FGF14: variants seen among roughly 807,000 people sequenced by gnomAD.
FGF14 encodes the protein fibroblast growth factor homologous factor 4.
Under a neutral mutation model 25.5 loss-of-function variants are expected in FGF14, and 5 were observed. That is an observed-to-expected ratio of 0.20 (90% CI 0.10 to 0.41). The LOEUF (loss-of-function observed/expected upper bound fraction) is 0.41. Among genes scored for constraint, FGF14 ranks in the 10% least tolerant of loss-of-function variants. The probability of loss-of-function intolerance (pLI) is 1.00; values close to 1 mark genes in which losing one functional copy is unlikely to be tolerated. For missense variants in FGF14, 222 were observed against 320.1 expected (o/e 0.69, Z 2.34); for synonymous variants, 138 against 118.3 (o/e 1.17, Z -1.08).
chr13:101,922,678 C>T (rs2034085197), intron 1 of FGF14, among the ~76,000 whole-genome samples: 1 of 151,898 alleles, frequency 6.6e-6, no homozygotes, highest in Admixed American at 6.6e-5. Flanking sequence ...AGTATACAAA[C>T]AAGAAACAGC....
At chr13:101,912,000 C>T (rs2032988227) in intron 1 of FGF14, among the ~76,000 whole-genome samples, 1 of 138,170 alleles carries the variant, frequency 7.2e-6, no homozygotes. Flanking sequence ...CGCACAAAAA[C>T]AGTGTTTTTT....
At chr13:101,887,503 G>A (rs189546280) in intron 1 of FGF14, among the ~76,000 whole-genome samples, 1 of 152,170 alleles carries the variant, frequency 6.6e-6, no homozygotes, top group East Asian at 1.9e-4. Context: ...GGCACAGAAA[G>A]ACAGATATCT....
intron 1 of FGF14, among the ~76,000 whole-genome samples, chr13:102,378,631 C>CTATCTATCTATCTATCTA (rs757841395): frequency 2.8e-5 from 4 of 141,826 alleles, no homozygotes; most frequent in Non-Finnish European, 6.1e-5. Context: ...ATCTATCTAT[C>CTATCTATCTATCTATCTA]TATATATATA....
At chr13:102,369,459 C>CT (rs1292004623) in intron 1 of FGF14, among the ~76,000 whole-genome samples, 2 of 152,230 alleles carry the variant, frequency 1.3e-5, no homozygotes, top group Non-Finnish European at 2.9e-5. Context: ...GCTTTGCCTC[C>CT]TGTGTGCTCC....
At chr13:102,258,638 T>C (rs989936612) in intron 1 of FGF14, among the ~76,000 whole-genome samples, 2 of 152,106 alleles carry the variant, frequency 1.3e-5, no homozygotes, top group East Asian at 3.9e-4. Context: ...CGCTCCACCA[T>C]CCCTGAGCCC....
chr13:101,944,423 A>G (rs747170619), intron 1 of FGF14, among the ~76,000 whole-genome samples: 1 of 152,150 alleles, frequency 6.6e-6, no homozygotes, highest in East Asian at 1.9e-4. Flanking sequence ...TTCCTTCCCA[A>G]ACCAAATCCA....
intron 3 of FGF14, among the ~76,000 whole-genome samples, chr13:101,744,147 A>G (rs2036732933): frequency 6.6e-6 from 1 of 152,144 alleles, no homozygotes; most frequent in Middle Eastern, 3.2e-3. Context: ...CACACTAGGA[A>G]TATAAACTTC....
chr13:101,763,922 A>G (rs1375646532), intron 3 of FGF14, among the ~76,000 whole-genome samples: 2 of 151,878 alleles, frequency 1.3e-5, no homozygotes, highest in African/African-American at 4.8e-5. Context: ...TGAGACTGGC[A>G]TGGTGAAGGA....
chr13:101,929,922 G>A (rs1012378631), intron 1 of FGF14, among the ~76,000 whole-genome samples: 2 of 152,066 alleles, frequency 1.3e-5, no homozygotes, highest in African/African-American at 2.4e-5. Context: ...TTTAATATAG[G>A]TGTTCATTTA....
chr13:101,804,806 A>G (rs774589338), intron 3 of FGF14, among the ~76,000 whole-genome samples: 1 of 152,158 alleles, frequency 6.6e-6, no homozygotes, highest in Non-Finnish European at 1.5e-5. Flanking sequence ...GACAGTTACC[A>G]AGAATTGTTT....
At chr13:101,950,019 T>C (rs1162873697) in intron 1 of FGF14, among the ~76,000 whole-genome samples, 1 of 152,048 alleles carries the variant, frequency 6.6e-6, no homozygotes, top group Admixed American at 6.6e-5. Context: ...TTTTTTTTCA[T>C]TTTCCTCCTT....
At chr13:102,083,136 C>T (rs1595211044) in intron 1 of FGF14, among the ~76,000 whole-genome samples, 1 of 152,174 alleles carries the variant, frequency 6.6e-6, no homozygotes, top group East Asian at 1.9e-4. Context: ...ACAACTAATT[C>T]CTCAGCACAT....
intron 1 of FGF14, among the ~76,000 whole-genome samples, chr13:102,062,063 T>C (rs1166648446): frequency 6.6e-6 from 1 of 152,216 alleles, no homozygotes; most frequent in African/African-American, 2.4e-5. Context: ...GGTAGTTTGT[T>C]ATTTAGCAAT....
intron 1 of FGF14, among the ~76,000 whole-genome samples, chr13:101,976,646 T>C (rs955486376): frequency 1.1e-4 from 16 of 152,314 alleles, no homozygotes; most frequent in Non-Finnish European, 1.5e-5. Context: ...TCTTAAATCT[T>C]AGAATCAGAT....
chr13:102,092,297 C>T (rs571783605), intron 1 of FGF14, among the ~76,000 whole-genome samples: 81 of 152,278 alleles, frequency 5.3e-4, no homozygotes, highest in Admixed American at 9.8e-4. Flanking sequence ...TTGTTCAGGA[C>T]AGTCTTATGC....
intron 1 of FGF14, among the ~76,000 whole-genome samples, chr13:102,222,669 T>G (rs1003529646): frequency 8.5e-5 from 13 of 152,216 alleles, no homozygotes; most frequent in South Asian, 4.1e-4. Context: ...GAGGATACTC[T>G]TTTAAGATAC....
chr13:102,186,086 T>C (rs1301798305), intron 1 of FGF14, among the ~76,000 whole-genome samples: 1 of 152,192 alleles, frequency 6.6e-6, no homozygotes, highest in Non-Finnish European at 1.5e-5. Flanking sequence ...AGCATTAACA[T>C]GATGTGATTT....
At chr13:102,058,996 C>G (rs1343807443) in intron 1 of FGF14, among the ~76,000 whole-genome samples, 1 of 151,056 alleles carries the variant, frequency 6.6e-6, no homozygotes, top group East Asian at 1.9e-4. Flanking sequence ...TATGTGGTCA[C>G]AAGTATATAG....
intron 1 of FGF14, among the ~76,000 whole-genome samples, chr13:102,290,004 C>A (rs2054300295): frequency 6.6e-6 from 1 of 151,936 alleles, no homozygotes; most frequent in African/African-American, 2.4e-5. Flanking sequence ...GTAATTCTTA[C>A]TTTAAAAGGT....
Sources: gnomAD v4.1 joint callset for allele counts (sites outside exome capture counted in the v4.1 genomes callset) on GRCh38, gnomAD v4.1.1 for gene constraint, MANE v1.5 for transcripts, NCBI Gene and HGNC (gene_info 2026-07-23, HGNC 2026-07-21) for gene names.